Variants in ASPDH observed in about 807,000 individuals in gnomAD.
ASPDH encodes the protein aspartate dehydrogenase domain containing.
A neutral mutation model predicts 30.5 loss-of-function variants in ASPDH; 25 were observed. That is an observed-to-expected ratio of 0.82 (90% confidence interval 0.60 to 1.14). ASPDH has a LOEUF of 1.14. Among genes scored for constraint, ASPDH ranks in the 50% most tolerant of loss-of-function variants. ASPDH has a pLI of 0.00. For missense variants in ASPDH, 401 were observed against 381.5 expected (o/e 1.05, Z -0.43); for synonymous variants, 168 against 156.3 (o/e 1.07, Z -0.56).
Position 50,513,243 on chromosome 19 carries a change from C to T in ASPDH, c.197+29G>A. 3.5e-6 allele frequency: 5 copies of T among 1,444,450 alleles called. No individual in the cohort carries two copies. The highest frequency in any genetic ancestry group is 4.6e-6 in the Non-Finnish European group (5 of 1,094,198). 89.5% of individuals were successfully genotyped at this position (1,444,450 alleles called of 1,614,324 possible). A position where few individuals can be genotyped will look rare whatever the true frequency, so the allele number is the denominator to read the frequency against. On this transcript the variant is annotated intron_variant, in intron 2 of 6. Coordinates refer to ENST00000389208, the MANE Select transcript of ASPDH (RefSeq NM_001114598.2). This position sits in a 1 kb window ranked among gnomAD's most constrained non-coding sequence, Gnocchi z 4.9. ...GAGCCAGGACAGGAGCTTCAGGGAG[C>T]TCCACTCTCCCATGGCAAGGTCACT...
At chr19:50,514,725 C>A (rs1223852346), upstream of ASPDH, 1 of 1,329,692 alleles carries the variant, frequency 7.5e-7, no homozygotes, top group African/African-American at 1.5e-5. Flanking sequence ...ACCTGGTACC[C>A]GCTGCAGTGT....
Position 50,513,561 on chromosome 19 carries a change from GGGCAGAGACACAGTGGGGTGGACAGA to G in ASPDH, c.53-171_53-146del, listed in dbSNP as rs550962168. The G allele has an allele frequency of 8.7e-4, 774 of 889,836 alleles. 12 individuals are homozygous for G. The East Asian group carries it at 0.021, about 24-fold the overall frequency. The allele number at this position is 889,836 out of a possible 1,614,324, so 55.1% of individuals were successfully genotyped here. A position where few individuals can be genotyped will look rare whatever the true frequency, so the allele number is the denominator to read the frequency against. On this transcript the variant is annotated intron_variant, in intron 1 of 6. Coordinates refer to ENST00000389208, the MANE Select transcript of ASPDH (RefSeq NM_001114598.2). This position sits in a 1 kb window ranked among gnomAD's most constrained non-coding sequence, Gnocchi z 4.9. ...GGGTAGGGAGACAGAGATGGGGGCA[GGGCAGAGACACAGTGGGGTGGACAGA>G]GGCCCAGAGAGAAGGGAGACAGAGA...
chr19:50,514,167 G>T (rs1980127522), upstream of ASPDH, among the ~76,000 whole-genome samples: 1 of 152,148 alleles, frequency 6.6e-6, no homozygotes, highest in South Asian at 2.1e-4. Flanking sequence ...GGCCGGCCAG[G>T]TTGTCATGGA....
At chr19:50,511,888 GGA>G in intron 6 of ASPDH, 115 bp from the exon 7 acceptor site, 1 of 795,388 alleles carries the variant, frequency 1.3e-6, no homozygotes, top group Non-Finnish European at 1.9e-6. Context: ...AGGAAGACCC[GGA>G]GAGAGCGGGA....
chr19:50,512,889 G>A (rs1980040852), intron 3 of ASPDH, 38 bp downstream of exon 3: 2 of 1,605,322 alleles, frequency 1.2e-6, no homozygotes, highest in Non-Finnish European at 1.7e-6. Flanking sequence ...AAGACAGAAG[G>A]GGCAGGGCTC....
chr19:50,512,695 TCCTCAGCGCC>T lies in ASPDH; in HGVS notation c.388_397del (p.Gly130ThrfsTer77). On this transcript the variant is annotated frameshift_variant, in exon 4 of 7. Transcript: ENST00000389208. LOFTEE classifies it high-confidence loss of function. ...CCCAGCTGCATCCAATCTCCTGATG[TCCTCAGCGCC>T]CCACAGGGCCCCTCGGGCCACAAAC... 1 of 1,550,708 alleles carries T rather than the reference TCCTCAGCGCC, an allele frequency of 6.4e-7. No homozygotes were observed. Among genetic ancestry groups the T allele is most frequent in the Non-Finnish European group, 8.7e-7 (1 of 1,147,058 alleles).
Position 50,512,934 on chromosome 19 carries a change from T to C in ASPDH, c.275A>G (p.Asn92Ser). ...ESGAQILRHA[N>S]LLVGSPSALS... ...GGTTGGGGTGGGGCTTACCAGGAGA[T>C]TGGCATGGCGCAGGATTTGTGCCCC... Residue 92 changes from asparagine (N) to serine (S), a missense_variant, in exon 3 of 7, where the codon AAT (asparagine) becomes AGT (serine). Coordinates refer to ENST00000389208, the MANE Select transcript of ASPDH (RefSeq NM_001114598.2). 1 of 1,613,012 alleles carries C rather than the reference T, an allele frequency of 6.2e-7. No homozygotes were observed. Among genetic ancestry groups the C allele is most frequent in the Non-Finnish European group, 8.5e-7 (1 of 1,179,562 alleles).
At chr19:50,514,244 C>G (rs557939123), upstream of ASPDH, among the ~76,000 whole-genome samples, 1 of 152,278 alleles carries the variant, frequency 6.6e-6, no homozygotes, top group South Asian at 2.1e-4. Context: ...TCTGTCCCCT[C>G]GTGCTCACCT....
rs1043507631 is a variant in ASPDH, at chr19:50,511,959, G to T, written c.808+177C>A. Reference sequence around the variant, plus strand: ...TCTCGATCAGAGGCGGGCACAAATGGAGACATCTACAGTGCCAGGATTCAA... The same window carrying T: ...TCTCGATCAGAGGCGGGCACAAATGTAGACATCTACAGTGCCAGGATTCAA... On this transcript the variant is annotated intron_variant, in intron 6 of 6. Transcript: ENST00000389208. 2.0e-5 allele frequency: 10 copies of T among 507,506 alleles called. No homozygotes were observed. The Admixed American group carries it at 4.2e-4, about 21-fold the overall frequency. 31.4% of individuals were successfully genotyped at this position (507,506 alleles called of 1,614,324 possible).
chr19:50,512,180 A>C lies in ASPDH; in HGVS notation c.764T>G (p.Val255Gly). 1 of 1,599,640 alleles carries C rather than the reference A, an allele frequency of 6.3e-7. No individual in the cohort carries two copies. Among genetic ancestry groups the C allele is most frequent in the Non-Finnish European group, 8.5e-7 (1 of 1,175,872 alleles). Reference sequence around the variant, plus strand: ...GGCCGTGACGGTGGCGGAGCCGGTGACCGCGCCTGGCTCGGCAGGGTTCTC... The same window carrying C: ...GGCCGTGACGGTGGCGGAGCCGGTGCCCGCGCCTGGCTCGGCAGGGTTCTC... ...RRENPAEPGAVTGSATVTAFW... is the reference protein window; with the variant it reads ...RRENPAEPGAGTGSATVTAFW... Residue 255 changes from valine to glycine, a missense_variant, in exon 6 of 7, where the codon GTC (valine) becomes GGC (glycine). By Grantham distance (109) the Val-to-Gly change is moderately radical. Transcript: ENST00000389208.
At position 50,511,760 on chromosome 19, in the gene ASPDH, G is replaced by C; in HGVS notation, c.822C>G (p.Leu274=). 1 of 1,319,934 alleles carries C rather than the reference G, an allele frequency of 7.6e-7. No individual in the cohort carries two copies. The highest frequency in any genetic ancestry group is 9.7e-7 in the Non-Finnish European group (1 of 1,029,364). The allele number at this position is 1,319,934 out of a possible 1,614,324, so 81.8% of individuals were successfully genotyped here. A position where few individuals can be genotyped will look rare whatever the true frequency, so the allele number is the denominator to read the frequency against. The part of the protein sequence containing the change: ...FWQSLLACCQ[L]PSRPGIHLC Reference sequence around the variant, plus strand: ...AGAGATGGATCCCCGGCCTGGAGGGGAGCTGGCAGCAGGCTGCGGGGAGAG... The same window carrying C: ...AGAGATGGATCCCCGGCCTGGAGGGCAGCTGGCAGCAGGCTGCGGGGAGAG... Residue 274 remains leucine (L), a synonymous_variant, in exon 7 of 7, where the codon CTC becomes CTG. Coordinates refer to ENST00000389208, the MANE Select transcript of ASPDH (RefSeq NM_001114598.2).
rs1431288450 is a variant in ASPDH at position 50,512,926 on chromosome 19, C to G, written c.282+1G>C. 3 of 1,612,336 alleles carry G rather than the reference C, an allele frequency of 1.9e-6. No individual in the cohort carries two copies. Among genetic ancestry groups the G allele is most frequent in the Non-Finnish European group, 1.7e-6 (2 of 1,179,194 alleles). On this transcript the variant is annotated splice_donor_variant, in intron 3 of 6. Transcript: ENST00000389208. LOFTEE classifies it high-confidence loss of function. ...GCGTAAATGGTTGGGGTGGGGCTTA[C>G]CAGGAGATTGGCATGGCGCAGGATT...
rs1979991685 is a variant in ASPDH, at chr19:50,512,430, C to T, written c.583G>A (p.Ala195Thr). 6.2e-7 allele frequency: 1 copy of T among 1,612,418 alleles called. No homozygotes were observed. The stretch of plus-strand genomic sequence containing the variant: ...CTGGGGGCAGCCAGGGCAGCCGCCG[C>T]CATGGTGTTGGAATTTCGCGGGGCA... ...PFAPRNSNTMAAAALAAPSLG... is the reference protein window; with the variant it reads ...PFAPRNSNTMTAAALAAPSLG... Residue 195 changes from alanine (A) to threonine (T), a missense_variant, in exon 5 of 7, where the codon GCG (alanine) becomes ACG (threonine). Transcript: ENST00000389208.
chr19:50,514,614 C>T, upstream of ASPDH: 1 of 1,605,276 alleles, frequency 6.2e-7, no homozygotes, highest in Non-Finnish European at 8.5e-7. Context: ...CTGGAGAGGC[C>T]AAGTGCCCCC....
chr19:50,512,731 A>C lies in ASPDH; in HGVS notation c.362T>G (p.Val121Gly), dbSNP rs981170684. The change falls in exon 4 of 7, where the codon GTG (valine) becomes GGG (glycine). Residue 121 changes from valine to glycine, a missense_variant. Physicochemically the swap from Val to Gly is moderately radical, Grantham distance 109. Transcript: ENST00000389208. ...CCACAGGGCCCCTCGGGCCACAAAC[A>C]CGGCGTGGTCCCAGTGCTGTGAGGC... The part of the protein sequence containing the change: ...LEASQHWDHA[V>G]FVARGALWGA... 24 of 1,553,636 alleles carry C rather than the reference A, an allele frequency of 1.5e-5. No individual in the cohort carries two copies. Among genetic ancestry groups the C allele is most frequent in the Non-Finnish European group, 1.4e-5 (16 of 1,148,450 alleles).
chr19:50,511,873 G>A, intron 6 of ASPDH, 100 bp from the exon 7 acceptor site: 3 of 827,596 alleles, frequency 3.6e-6, no homozygotes, highest in Non-Finnish European at 5.3e-6. Flanking sequence ...GCAGGGGGGC[G>A]GTGGAGGAAG....
rs1325901091 is a variant in ASPDH at position 50,513,710 on chromosome 19, A to T, written c.52+62T>A. 7.9e-7 allele frequency: 1 copy of T among 1,263,984 alleles called. No homozygotes were observed. The highest frequency in any genetic ancestry group is 1.5e-5 in the African/African-American group (1 of 67,066). The allele number at this position is 1,263,984 out of a possible 1,614,324, so 78.3% of individuals were successfully genotyped here. On this transcript the variant is annotated intron_variant, in intron 1 of 6. Coordinates refer to ENST00000389208, the MANE Select transcript of ASPDH (RefSeq NM_001114598.2). The surrounding 1 kb of genome is among the most constrained non-coding windows in gnomAD (Gnocchi z 4.9). Reference sequence around the variant, plus strand: ...AGAAAAAAGTGTTTGTGGAGGGCAGAGAGTCTTGGGAGCTTTAGGAAGGGG... The same window carrying T: ...AGAAAAAAGTGTTTGTGGAGGGCAGTGAGTCTTGGGAGCTTTAGGAAGGGG...
At position 50,512,980 on chromosome 19, in the gene ASPDH, G is replaced by A; in HGVS notation, c.229C>T (p.Pro77Ser). The A allele has an allele frequency of 6.8e-6, 11 of 1,613,708 alleles. No individual in the cohort carries two copies. Among genetic ancestry groups the A allele is most frequent in the Non-Finnish European group, 9.3e-6 (11 of 1,179,856 alleles). ...RPDLVVEVAH[P>S]KIIHESGAQI... ...GCCCCAGATTCATGGATTATTTTGG[G>A]ATGGGCCACTTCCACAACCAGATCA... The change falls in exon 3 of 7, where the codon CCC becomes TCC. Residue 77 changes from proline (P) to serine (S), a missense_variant. Pro to Ser is a moderately conservative substitution (Grantham distance 74). Transcript: ENST00000389208.
Position 50,511,696 on chromosome 19 carries a change from G to T in ASPDH, c.*34C>A, listed in dbSNP as rs1979890595. ...TGGGATGGTGGTGGTGAGAGGCCAG[G>T]CAGATGATCTTGTCTCGGGAGGGAG... On this transcript the variant is annotated 3_prime_UTR_variant, in exon 7 of 7. Coordinates refer to ENST00000389208, the MANE Select transcript of ASPDH (RefSeq NM_001114598.2). The T allele has an allele frequency of 2.3e-6, 3 of 1,282,364 alleles. No homozygotes were observed. The highest frequency in any genetic ancestry group is 3.0e-6 in the Non-Finnish European group (3 of 1,001,710). The allele number at this position is 1,282,364 out of a possible 1,614,324, so 79.4% of individuals were successfully genotyped here. A position where few individuals can be genotyped will look rare whatever the true frequency, so the allele number is the denominator to read the frequency against.
Sources: gnomAD v4.1 joint callset for allele counts (sites outside exome capture counted in the v4.1 genomes callset) on GRCh38, gnomAD v4.1.1 for gene constraint, Gnocchi (gnomAD v3.1) non-coding constraint, MANE v1.5 for transcripts, NCBI Gene and HGNC (gene_info 2026-07-23, HGNC 2026-07-21) for gene names.